Variants in TRAPPC9 observed in about 807,000 individuals in gnomAD.
TRAPPC9 encodes the protein trafficking protein particle complex subunit 9, also known as IKK2 binding protein.
Under a neutral mutation model 124.0 loss-of-function variants are expected in TRAPPC9, and 83 were observed. The observed-to-expected ratio is 0.67, with a 90% CI of 0.56 to 0.80. The LOEUF (loss-of-function observed/expected upper bound fraction) is 0.80. Ranked by LOEUF, TRAPPC9 falls within the 30% of genes least tolerant of loss-of-function variation. TRAPPC9 has a pLI of 0.00. For missense variants in TRAPPC9, 1,302 were observed against 1,508.3 expected (o/e 0.86, Z 2.27); for synonymous variants, 638 against 617.5 (o/e 1.03, Z -0.49).
chr8:139,830,219 C>T (rs1364145976), intron 21 of TRAPPC9, among the ~76,000 whole-genome samples: 2 of 151,980 alleles, frequency 1.3e-5, no homozygotes, highest in Non-Finnish European at 2.9e-5. Context: ...CATACACACA[C>T]AAATGAGCAT....
intron 19 of TRAPPC9, among the ~76,000 whole-genome samples, chr8:139,965,789 C>CAAGGGGAAATACAA (rs1835667156): frequency 3.9e-5 from 6 of 152,202 alleles, no homozygotes; most frequent in Non-Finnish European, 7.4e-5. Flanking sequence ...CCATGTTGAG[C>CAAGGGGAAATACAA]AGAGTTGGCT....
At chr8:140,107,348 G>C (rs1458446840) in intron 17 of TRAPPC9, among the ~76,000 whole-genome samples, 1 of 152,188 alleles carries the variant, frequency 6.6e-6, no homozygotes, top group Non-Finnish European at 1.5e-5. Flanking sequence ...CGCTTACTAA[G>C]TATTCAGTTC....
chr8:139,775,104 G>A (rs1032381964), intron 21 of TRAPPC9, among the ~76,000 whole-genome samples: 1 of 152,186 alleles, frequency 6.6e-6, no homozygotes. Flanking sequence ...GTCCGGGTCT[G>A]TGGGGCACCT....
chr8:140,229,099 C>G (rs1587970833), intron 16 of TRAPPC9, among the ~76,000 whole-genome samples: 1 of 151,812 alleles, frequency 6.6e-6, no homozygotes. Flanking sequence ...CACGTTCTCA[C>G]TAGGGACTTC....
chr8:140,055,147 A>G (rs1842225101), intron 17 of TRAPPC9, among the ~76,000 whole-genome samples: 1 of 152,228 alleles, frequency 6.6e-6, no homozygotes, highest in Admixed American at 6.5e-5. Context: ...CCAATAAAAT[A>G]TAGAAAATCA....
intron 20 of TRAPPC9, among the ~76,000 whole-genome samples, chr8:139,893,478 G>A (rs1343665912): frequency 1.3e-5 from 2 of 152,232 alleles, no homozygotes; most frequent in Admixed American, 1.3e-4. Context: ...CAATGCTGCA[G>A]TTGGCACTTG....
chr8:140,119,076 A>T (rs2060939684), intron 17 of TRAPPC9, among the ~76,000 whole-genome samples: 1 of 152,256 alleles, frequency 6.6e-6, no homozygotes, highest in Non-Finnish European at 1.5e-5. Flanking sequence ...CATCTGCAGG[A>T]GACCCAGGTA....
intron 17 of TRAPPC9, among the ~76,000 whole-genome samples, chr8:140,190,093 G>A (rs187396205): frequency 3.9e-5 from 6 of 152,324 alleles, no homozygotes; most frequent in Middle Eastern, 3.4e-3. Flanking sequence ...TCCTATACCA[G>A]GAGCTCTGGT....
At chr8:139,822,412 C>A (rs1266771949) in intron 21 of TRAPPC9, among the ~76,000 whole-genome samples, 1 of 152,134 alleles carries the variant, frequency 6.6e-6, no homozygotes, top group African/African-American at 2.4e-5. Flanking sequence ...GAGAACAATG[C>A]CAGGTACCAG....
intron 17 of TRAPPC9, among the ~76,000 whole-genome samples, chr8:140,168,139 G>C (rs776613185): frequency 6.6e-6 from 1 of 152,218 alleles, no homozygotes; most frequent in Non-Finnish European, 1.5e-5. Flanking sequence ...CAATGAGGTA[G>C]TTAAAGGTAT....
Position 139,742,580 on chromosome 8 carries a change from T to C in TRAPPC9, c.3056-10378A>G, listed in dbSNP as rs770974540. 2.6e-5 allele frequency among the ~76,000 whole-genome samples: 4 copies of C among 151,984 alleles called. No homozygotes were observed. The highest frequency in any genetic ancestry group is 5.9e-5 in the Non-Finnish European group (4 of 67,988). ...ACCAGAGAGGGTCAGGACCCAAACT[T>C]TGGGCAAGCTATGGACCCAGAACAC... On this transcript the variant is annotated intron_variant, in intron 21 of 22. Transcript: ENST00000438773. This position sits in a 1 kb window ranked among gnomAD's most constrained non-coding sequence, Gnocchi z 4.7.
At chr8:140,134,956 C>T (rs1587781591) in intron 17 of TRAPPC9, among the ~76,000 whole-genome samples, 1 of 152,142 alleles carries the variant, frequency 6.6e-6, no homozygotes, top group African/African-American at 2.4e-5. Flanking sequence ...GTCTAAAGAA[C>T]TCCCACAACT....
chr8:140,120,019 TA>T (rs2060955644), intron 17 of TRAPPC9, among the ~76,000 whole-genome samples: 1 of 152,174 alleles, frequency 6.6e-6, no homozygotes, highest in Non-Finnish European at 1.5e-5. Context: ...GGGTGGTCAG[TA>T]GATGTTGAGA....
chr8:140,393,234 G>C (rs900539459), intron 7 of TRAPPC9, among the ~76,000 whole-genome samples: 2 of 151,912 alleles, frequency 1.3e-5, no homozygotes, highest in Non-Finnish European at 2.9e-5. Context: ...ACCACACCCA[G>C]CTATCATTCC....
chr8:140,022,080 C>T (rs1341440071), intron 18 of TRAPPC9, among the ~76,000 whole-genome samples: 2 of 152,180 alleles, frequency 1.3e-5, no homozygotes, highest in African/African-American at 4.8e-5. Context: ...GGACTCTGGA[C>T]TTTATCTCAT....
chr8:140,200,569 T>C (rs1332877691), intron 17 of TRAPPC9, among the ~76,000 whole-genome samples: 3 of 152,076 alleles, frequency 2.0e-5, no homozygotes, highest in Non-Finnish European at 4.4e-5. Flanking sequence ...GAAGGGCACG[T>C]CGACTCCTTC....
At chr8:139,770,259 C>A (rs1820873041) in intron 21 of TRAPPC9, among the ~76,000 whole-genome samples, 1 of 152,238 alleles carries the variant, frequency 6.6e-6, no homozygotes, top group Non-Finnish European at 1.5e-5. Flanking sequence ...GGTTCTGCTG[C>A]CACCTCCCGA....
intron 17 of TRAPPC9, among the ~76,000 whole-genome samples, chr8:140,138,793 G>C (rs751085300): frequency 1.3e-5 from 2 of 152,128 alleles, no homozygotes; most frequent in African/African-American, 2.4e-5. Context: ...GTTGGTGCCG[G>C]TATTTTTTCT....
chr8:140,093,288 T>C lies in TRAPPC9; in HGVS notation c.2557-69209A>G, dbSNP rs148004482. Among the ~76,000 whole-genome samples, 9 of 152,320 alleles carry C rather than the reference T, an allele frequency of 5.9e-5. 1 individual carries two copies. In the East Asian group the frequency reaches 9.6e-4, roughly 16 times the overall value. On this transcript the variant is annotated intron_variant, in intron 17 of 22. Coordinates refer to ENST00000438773, the MANE Select transcript of TRAPPC9 (RefSeq NM_001160372.4). ...CTGTGAGGCTGGAGTTCTACTGGTG[T>C]TCCTTGCCTAGTCTTGGGAATAGTG...
Sources: gnomAD v4.1 joint callset for allele counts (sites outside exome capture counted in the v4.1 genomes callset) on GRCh38, gnomAD v4.1.1 for gene constraint, Gnocchi (gnomAD v3.1) non-coding constraint, MANE v1.5 for transcripts, NCBI Gene and HGNC (gene_info 2026-07-23, HGNC 2026-07-21) for gene names.